Variants in SRBD1 observed in about 807,000 individuals in gnomAD.
The protein encoded by SRBD1 is S1 RNA-binding domain-containing protein 1.
Under a neutral mutation model 115.3 loss-of-function variants are expected in SRBD1, and 88 were observed. That is an observed-to-expected ratio of 0.76 (90% CI 0.64 to 0.91). The LOEUF (loss-of-function observed/expected upper bound fraction) is 0.91. SRBD1 is among the 40% of genes least tolerant of loss of function. The pLI is 0.00. For missense variants in SRBD1, 1,385 were observed against 1,177.4 expected (o/e 1.18, Z -2.58); for synonymous variants, 509 against 407.7 (o/e 1.25, Z -2.99).
chr2:45,394,193 A>G (rs1667081268), intron 19 of SRBD1, among the ~76,000 whole-genome samples: 1 of 152,202 alleles, frequency 6.6e-6, no homozygotes, highest in African/African-American at 2.4e-5. Flanking sequence ...TGCCTTTTAT[A>G]ATTTTCTTTT....
chr2:45,406,884 T>C (rs889422634), intron 19 of SRBD1, among the ~76,000 whole-genome samples: 3 of 152,188 alleles, frequency 2.0e-5, no homozygotes, highest in Non-Finnish European at 4.4e-5. Flanking sequence ...TTTTTTTTTT[T>C]TCTTCTTAAG....
rs181312319 is a variant in SRBD1 at position 45,485,632 on chromosome 2, A to G, written c.1966+2608T>C. On this transcript the variant is annotated intron_variant, in intron 15 of 20. Coordinates refer to ENST00000263736, the MANE Select transcript of SRBD1 (RefSeq NM_018079.5). ...CAACTTCTGTTTTCAATAAGCTGAT[A>G]AACTGGCCAGTGAGATGTAGTAATG... 3.2e-4 allele frequency among the ~76,000 whole-genome samples: 48 copies of G among 152,352 alleles called. 1 individual carries two copies. In the East Asian group the frequency reaches 5.8e-3, roughly 18 times the overall value.
intron 14 of SRBD1, among the ~76,000 whole-genome samples, chr2:45,492,667 C>T (rs957123447): frequency 1.3e-5 from 2 of 152,028 alleles, no homozygotes; most frequent in African/African-American, 4.8e-5. Flanking sequence ...TCTCGATCTC[C>T]TGACCTCGTG....
Position 45,599,660 on chromosome 2 carries a change from T to A in SRBD1, c.437A>T (p.Glu146Val), listed in dbSNP as rs1418038008. Residue 146 changes from glutamate to valine, a missense_variant, in exon 4 of 21, where the codon GAG (glutamate) becomes GTG (valine). Transcript: ENST00000263736. ...EEETSKASNLEGESNSSETPS... is the reference protein window; with the variant it reads ...EEETSKASNLVGESNSSETPS... The stretch of plus-strand genomic sequence containing the variant: ...TGTCTCTGAACTATTACTCTCACCC[T>A]CTAAGTTGCTGGCTTTGCTGGTTTC... 1.2e-5 allele frequency: 19 copies of A among 1,614,112 alleles called. No individual in the cohort carries two copies. Among genetic ancestry groups the A allele is most frequent in the Non-Finnish European group, 1.6e-5 (19 of 1,180,048 alleles).
At chr2:45,485,717 T>C (rs1670097315) in intron 15 of SRBD1, among the ~76,000 whole-genome samples, 1 of 152,336 alleles carries the variant, frequency 6.6e-6, no homozygotes, top group South Asian at 2.1e-4. Flanking sequence ...TGTTATATTC[T>C]TATACAGCAA....
At chr2:45,510,836 G>C (rs1186932039) in intron 14 of SRBD1, among the ~76,000 whole-genome samples, 1 of 152,122 alleles carries the variant, frequency 6.6e-6, no homozygotes, top group African/African-American at 2.4e-5. Flanking sequence ...AAAAAGAAAA[G>C]TTTCATCTCA....
At chr2:45,594,312 T>A (rs1027532309) in intron 4 of SRBD1, among the ~76,000 whole-genome samples, 1 of 152,180 alleles carries the variant, frequency 6.6e-6, no homozygotes, top group Non-Finnish European at 1.5e-5. Flanking sequence ...AAAGGTTTTG[T>A]TTGCCTTTTC....
At chr2:45,453,745 A>C (rs1406938815) in intron 16 of SRBD1, among the ~76,000 whole-genome samples, 2 of 151,966 alleles carry the variant, frequency 1.3e-5, no homozygotes, top group African/African-American at 2.4e-5. Context: ...ATCTGATGAA[A>C]AACAAAACTC....
intron 16 of SRBD1, among the ~76,000 whole-genome samples, chr2:45,420,331 G>A (rs1029264886): frequency 1.1e-4 from 16 of 152,062 alleles, no homozygotes; most frequent in East Asian, 3.9e-4. Context: ...ATTCATGCAC[G>A]GCCTTATAGT....
intron 15 of SRBD1, among the ~76,000 whole-genome samples, chr2:45,479,094 AG>A (rs1669886295): frequency 6.6e-6 from 1 of 152,160 alleles, no homozygotes; most frequent in Non-Finnish European, 1.5e-5. Flanking sequence ...CACACCTATA[AG>A]GTAACAAACT....
chr2:45,501,091 G>A (rs1172978638), intron 14 of SRBD1, among the ~76,000 whole-genome samples: 2 of 152,080 alleles, frequency 1.3e-5, no homozygotes, highest in South Asian at 2.1e-4. Context: ...TCATCATGAA[G>A]GGACACTGGA....
chr2:45,419,150 G>C (rs908171306), intron 17 of SRBD1, among the ~76,000 whole-genome samples: 1 of 152,124 alleles, frequency 6.6e-6, no homozygotes, highest in African/African-American at 2.4e-5. Flanking sequence ...TTGTAGATGT[G>C]TTAGAAAATC....
intron 16 of SRBD1, among the ~76,000 whole-genome samples, chr2:45,444,434 C>A (rs550993420): frequency 1.3e-5 from 2 of 152,240 alleles, no homozygotes; most frequent in East Asian, 3.9e-4. Flanking sequence ...ATGGAAACCT[C>A]CTGTATACAC....
chr2:45,584,202 T>C (rs1673447205), intron 5 of SRBD1, among the ~76,000 whole-genome samples: 1 of 152,218 alleles, frequency 6.6e-6, no homozygotes, highest in Non-Finnish European at 1.5e-5. Flanking sequence ...ACCAGCTTCT[T>C]TTCAGAAACA....
intron 4 of SRBD1, among the ~76,000 whole-genome samples, chr2:45,592,539 T>C (rs549843565): frequency 1.1e-4 from 17 of 152,298 alleles, no homozygotes; most frequent in African/African-American, 3.8e-4. Context: ...TAAACAAACT[T>C]CCACTCCTAC....
chr2:45,550,157 A>C (rs1244585154), intron 12 of SRBD1, among the ~76,000 whole-genome samples: 4 of 152,166 alleles, frequency 2.6e-5, no homozygotes, highest in African/African-American at 4.8e-5. Flanking sequence ...AGATGGTTTT[A>C]GTAACAAATT....
At chr2:45,427,825 T>C (rs1423456591) in intron 16 of SRBD1, among the ~76,000 whole-genome samples, 1 of 152,102 alleles carries the variant, frequency 6.6e-6, no homozygotes, top group Non-Finnish European at 1.5e-5. Context: ...CAATACCCAA[T>C]ACAGCTGCAC....
chr2:45,555,155 G>C (rs776760330), intron 10 of SRBD1, among the ~76,000 whole-genome samples: 5 of 152,196 alleles, frequency 3.3e-5, no homozygotes, highest in Non-Finnish European at 5.9e-5. Flanking sequence ...GCCTTCCAGA[G>C]GCCAAAGTGG....
intron 14 of SRBD1, among the ~76,000 whole-genome samples, chr2:45,504,738 G>A (rs1025819302): frequency 3.9e-5 from 6 of 152,036 alleles, no homozygotes; most frequent in African/African-American, 1.4e-4. Flanking sequence ...CATTTAGATG[G>A]CTCGAGGGGG....
Sources: allele counts gnomAD v4.1 joint callset (sites outside exome capture counted in the v4.1 genomes callset), GRCh38; gene constraint gnomAD v4.1.1; transcripts MANE v1.5; gene names NCBI Gene and HGNC (gene_info 2026-07-23, HGNC 2026-07-21).